CNTN4: variants seen among roughly 807,000 people sequenced by gnomAD.
CNTN4 encodes the protein contactin 4.
Under a neutral mutation model 122.5 loss-of-function variants are expected in CNTN4, and 77 were observed. The ratio of observed to expected loss-of-function variants is 0.63; its 90% CI spans 0.52 to 0.76. The LOEUF (loss-of-function observed/expected upper bound fraction) is 0.76. CNTN4 is among the 30% of genes least tolerant of loss of function. The pLI is 0.00. For missense variants in CNTN4, 1,256 were observed against 1,259.1 expected (o/e 1.00, Z 0.04); for synonymous variants, 512 against 447.0 (o/e 1.15, Z -1.83).
intron 4 of CNTN4, among the ~76,000 whole-genome samples, chr3:2,604,086 ATT>A (rs1441032107): frequency 5.3e-5 from 8 of 152,184 alleles, no homozygotes; most frequent in African/African-American, 1.9e-4. Flanking sequence ...GTGAGATGTA[ATT>A]TCTGTCACAT....
Position 2,795,562 on chromosome 3 carries a change from C to T in CNTN4, c.359-23924C>T, listed in dbSNP as rs922780363. On this transcript the variant is annotated intron_variant, in intron 6 of 24. Coordinates refer to ENST00000418658, the MANE Select transcript of CNTN4 (RefSeq NM_175607.3). ...CTGAGATGGAGTCTCGCTCTGTCGC[C>T]CAGGCTGGAGTGCGGTGGTGCCATC... Among the ~76,000 whole-genome samples, 4 of 151,218 alleles carry T rather than the reference C, an allele frequency of 2.6e-5. No individual in the cohort carries two copies. The East Asian group carries it at 7.8e-4, about 29-fold the overall frequency.
At chr3:2,953,536 C>T (rs2094768315) in intron 13 of CNTN4, among the ~76,000 whole-genome samples, 1 of 151,988 alleles carries the variant, frequency 6.6e-6, no homozygotes, top group East Asian at 1.9e-4. Context: ...AGTTTTTGGG[C>T]CTTTTTTGTA....
At chr3:2,101,847 C>T (rs980909047) in intron 2 of CNTN4, among the ~76,000 whole-genome samples, 1 of 152,116 alleles carries the variant, frequency 6.6e-6, no homozygotes, top group African/African-American at 2.4e-5. Context: ...TCATTTTGTA[C>T]AGCCCCTGGG....
At chr3:2,374,216 G>C (rs759962760) in intron 3 of CNTN4, among the ~76,000 whole-genome samples, 2 of 152,102 alleles carry the variant, frequency 1.3e-5, no homozygotes, top group Non-Finnish European at 2.9e-5. Context: ...GGAATGAATT[G>C]GCTTGTGTGG....
rs141156841 is a variant in CNTN4, at chr3:2,956,136, C to A, written c.1358+30357C>A. On this transcript the variant is annotated intron_variant, in intron 13 of 24. Coordinates refer to ENST00000418658, the MANE Select transcript of CNTN4 (RefSeq NM_175607.3). ...GGAATGAAATTCTAACACATGCTGCCATATGGATGAACCTTGAAAACATCA... is the reference window on the plus strand; with the variant it reads ...GGAATGAAATTCTAACACATGCTGCAATATGGATGAACCTTGAAAACATCA... Among the ~76,000 whole-genome samples the A allele has an allele frequency of 8.2e-4, 125 of 152,204 alleles. 1 individual carries two copies. The highest frequency in any genetic ancestry group is 2.9e-3 in the African/African-American group (122 of 41,546).
chr3:2,259,438 C>G (rs1373581885), intron 2 of CNTN4, among the ~76,000 whole-genome samples: 3 of 152,142 alleles, frequency 2.0e-5, no homozygotes, highest in African/African-American at 7.2e-5. Flanking sequence ...AGCCAAAAGT[C>G]TATAGCTGGT....
intron 2 of CNTN4, among the ~76,000 whole-genome samples, chr3:2,270,706 G>C (rs1575223767): frequency 8.0e-6 from 1 of 124,400 alleles, no homozygotes. Context: ...GCTTAAGGAA[G>C]ACTGAAGGCT....
At chr3:3,053,196 G>A (rs756162159) in intron 23 of CNTN4, among the ~76,000 whole-genome samples, 1 of 152,140 alleles carries the variant, frequency 6.6e-6, no homozygotes, top group Non-Finnish European at 1.5e-5. Context: ...CATCATGTCT[G>A]GCTAATTTTT....
intron 2 of CNTN4, among the ~76,000 whole-genome samples, chr3:2,195,244 G>A (rs2037781362): frequency 6.6e-6 from 1 of 152,194 alleles, no homozygotes; most frequent in Admixed American, 6.5e-5. Context: ...TGTCAGAAAT[G>A]ACAGGATTTC....
intron 3 of CNTN4, among the ~76,000 whole-genome samples, chr3:2,543,208 G>A (rs1189051776): frequency 6.6e-6 from 1 of 152,070 alleles, no homozygotes; most frequent in Non-Finnish European, 1.5e-5. Flanking sequence ...AGGAACAGAG[G>A]TCTAATGTTA....
Position 2,562,771 on chromosome 3 carries a change from T to C in CNTN4, c.-88-8645T>C, listed in dbSNP as rs142069752. On this transcript the variant is annotated intron_variant, in intron 3 of 24. Transcript: ENST00000418658. ...CAGGGTCTTACACTGTCACCCATGC[T>C]GGAGTGCAGTGGCACGATCTTGGCT... Among the ~76,000 whole-genome samples the C allele has an allele frequency of 4.5e-3, 690 of 152,188 alleles. 4 individuals carry two copies. Among genetic ancestry groups the C allele is most frequent in the Non-Finnish European group, 5.0e-3 (341 of 68,016 alleles).
At chr3:2,730,776 C>G (rs2088619347) in intron 4 of CNTN4, among the ~76,000 whole-genome samples, 1 of 152,098 alleles carries the variant, frequency 6.6e-6, no homozygotes, top group African/African-American at 2.4e-5. Flanking sequence ...GAGATTCAGG[C>G]TTATTTTTCT....
At chr3:2,697,154 G>T (rs1217296979) in intron 4 of CNTN4, among the ~76,000 whole-genome samples, 1 of 152,154 alleles carries the variant, frequency 6.6e-6, no homozygotes, top group Non-Finnish European at 1.5e-5. Context: ...AAGCTATTAA[G>T]AAATTGTCTT....
At chr3:2,369,249 A>C (rs2045537431) in intron 3 of CNTN4, among the ~76,000 whole-genome samples, 1 of 152,140 alleles carries the variant, frequency 6.6e-6, no homozygotes. Flanking sequence ...TATTGGTTAT[A>C]AGACCTAGGC....
chr3:2,320,329 C>G (rs1474790648), intron 2 of CNTN4, among the ~76,000 whole-genome samples: 1 of 152,072 alleles, frequency 6.6e-6, no homozygotes, highest in African/African-American at 2.4e-5. Context: ...AAAAAGTAAT[C>G]AAGATGAATT....
intron 4 of CNTN4, among the ~76,000 whole-genome samples, chr3:2,664,534 A>G (rs57921958): frequency 0.17 from 25,679 of 152,146 alleles, 2,541 homozygotes; most frequent in Admixed American, 0.32. Context: ...TGAAGATAAT[A>G]CACTTAGCTA....
At chr3:2,306,932 A>G (rs2042730567) in intron 2 of CNTN4, among the ~76,000 whole-genome samples, 1 of 152,094 alleles carries the variant, frequency 6.6e-6, no homozygotes, top group African/African-American at 2.4e-5. Flanking sequence ...TTGCTAGTGT[A>G]TAGAAATAAA....
chr3:2,480,820 T>C (rs973653013), intron 3 of CNTN4, among the ~76,000 whole-genome samples: 3 of 152,100 alleles, frequency 2.0e-5, no homozygotes, highest in Non-Finnish European at 4.4e-5. Flanking sequence ...AAGTAGTCAA[T>C]TGAATGACTC....
chr3:2,770,851 C>T (rs1038463063), intron 6 of CNTN4, among the ~76,000 whole-genome samples: 1 of 152,242 alleles, frequency 6.6e-6, no homozygotes, highest in East Asian at 1.9e-4. Flanking sequence ...TGCTACCAAG[C>T]ATGGCAGATA....
Sources: allele counts gnomAD v4.1 joint callset (sites outside exome capture counted in the v4.1 genomes callset), GRCh38; gene constraint gnomAD v4.1.1; transcripts MANE v1.5; gene names NCBI Gene and HGNC (gene_info 2026-07-23, HGNC 2026-07-21).